CRADD: variants seen among roughly 807,000 people sequenced by gnomAD.
The protein encoded by CRADD is death domain-containing protein CRADD.
In CRADD, 9 loss-of-function variants were observed where a neutral mutation model predicts 15.5. That is an observed-to-expected ratio of 0.58 (90% CI 0.35 to 1.01). The LOEUF (loss-of-function observed/expected upper bound fraction) is 1.01. CRADD is among the 50% of genes least tolerant of loss of function. The pLI is 0.02. For synonymous variants in CRADD, 118 were observed against 107.6 expected, an observed-to-expected ratio of 1.10 and a Z score of -0.60; for missense variants, 227 against 250.3, an observed-to-expected ratio of 0.91 and a Z score of 0.63.
At chr12:93,773,670 C>A (rs1016590291) in intron 2 of CRADD, among the ~76,000 whole-genome samples, 14 of 151,922 alleles carry the variant, frequency 9.2e-5, no homozygotes, top group Admixed American at 5.9e-4. Context: ...GGCCTTGGAA[C>A]CCTCATTGAA....
intron 2 of CRADD, among the ~76,000 whole-genome samples, chr12:93,704,671 ACCT>A (rs1955906452): frequency 6.6e-6 from 1 of 151,066 alleles, no homozygotes; most frequent in South Asian, 2.1e-4. Context: ...TCTGCTTAAA[ACCT>A]CCTCCTAGGA....
At chr12:93,686,328 AAAG>A (rs1442826965) in intron 2 of CRADD, among the ~76,000 whole-genome samples, 1 of 151,252 alleles carries the variant, frequency 6.6e-6, no homozygotes, top group Non-Finnish European at 1.5e-5. Context: ...AAAAAAAAGA[AAAG>A]AAAATAATAA....
intron 1 of CRADD, among the ~76,000 whole-genome samples, chr12:93,678,407 C>A (rs1014181728): frequency 6.6e-6 from 1 of 152,052 alleles, no homozygotes; most frequent in African/African-American, 2.4e-5. Context: ...TCTTCTCCAG[C>A]GTGTTAAAAT....
At chr12:93,761,479 T>C (rs1029967581) in intron 2 of CRADD, among the ~76,000 whole-genome samples, 8 of 152,104 alleles carry the variant, frequency 5.3e-5, no homozygotes, top group African/African-American at 1.7e-4. Flanking sequence ...AAATCAAGGA[T>C]GACTCGTTGT....
At chr12:93,827,447 T>C (rs1290368242) in intron 2 of CRADD, among the ~76,000 whole-genome samples, 2 of 152,240 alleles carry the variant, frequency 1.3e-5, no homozygotes, top group African/African-American at 4.8e-5. Context: ...TATGCCATAG[T>C]TTGTTTATGC....
At chr12:93,853,993 A>G (rs766811480), downstream of CRADD, among the ~76,000 whole-genome samples, 16 of 152,322 alleles carry the variant, frequency 1.1e-4, no homozygotes, top group Non-Finnish European at 1.8e-4. Context: ...CATTCATCAT[A>G]TGTTACAATG....
At chr12:93,803,819 T>G (rs1405542091) in intron 2 of CRADD, among the ~76,000 whole-genome samples, 2 of 151,872 alleles carry the variant, frequency 1.3e-5, no homozygotes, top group East Asian at 3.9e-4. Flanking sequence ...ATCTTGAGAT[T>G]GGGAGATTAT....
intron 2 of CRADD, among the ~76,000 whole-genome samples, chr12:93,827,052 A>T (rs965114574): frequency 4.6e-5 from 7 of 152,268 alleles, no homozygotes; most frequent in Non-Finnish European, 1.0e-4. Context: ...AACCCAAAAA[A>T]ACCCCCAGCT....
At chr12:93,814,248 G>A (rs1957665620) in intron 2 of CRADD, among the ~76,000 whole-genome samples, 1 of 152,170 alleles carries the variant, frequency 6.6e-6, no homozygotes, top group South Asian at 2.1e-4. Flanking sequence ...GTCCGCTATG[G>A]GGCAAGGCAA....
chr12:93,796,494 A>G (rs1001232950), intron 2 of CRADD, among the ~76,000 whole-genome samples: 1 of 151,732 alleles, frequency 6.6e-6, no homozygotes, highest in African/African-American at 2.4e-5. Flanking sequence ...AATCCCAGCT[A>G]CTTGAGAGGC....
chr12:93,839,010 C>T (rs1343118612), intron 2 of CRADD, among the ~76,000 whole-genome samples: 3 of 151,960 alleles, frequency 2.0e-5, no homozygotes, highest in Admixed American at 6.6e-5. Flanking sequence ...TGAGCTCAAA[C>T]GATCCACCCG....
rs66639212 is a variant in CRADD, at chr12:93,823,298, CAA to C, written c.299-26658_299-26657del. Among the ~76,000 whole-genome samples the C allele has an allele frequency of 4.6e-3, 641 of 139,698 alleles. 3 individuals carry two copies. The highest frequency in any genetic ancestry group is 0.01 in the African/African-American group (391 of 37,902). 91.6% of individuals were successfully genotyped at this position (139,698 alleles called of 152,430 possible). On this transcript the variant is annotated intron_variant, in intron 2 of 2. Transcript: ENST00000332896. Reference sequence around the variant, plus strand: ...CAAGAGCGAAACTCTGTCTCAAAAACAAAAAAAAAAAAAAAGAAGAGGAAGAA... The same window carrying C: ...CAAGAGCGAAACTCTGTCTCAAAAACAAAAAAAAAAAAAGAAGAGGAAGAA...
At chr12:93,710,367 A>G (rs1956041515) in intron 2 of CRADD, among the ~76,000 whole-genome samples, 2 of 126,418 alleles carry the variant, frequency 1.6e-5, no homozygotes, top group South Asian at 5.1e-4. Flanking sequence ...TTTTTTTGAG[A>G]CGGAGTCTTG....
intron 2 of CRADD, among the ~76,000 whole-genome samples, chr12:93,720,693 G>T (rs1956245456): frequency 6.6e-6 from 1 of 152,074 alleles, no homozygotes. Flanking sequence ...AACCTTTCTT[G>T]CTCTGTAGTT....
intron 2 of CRADD, among the ~76,000 whole-genome samples, chr12:93,803,127 G>C (rs971537718): frequency 2.0e-5 from 3 of 152,202 alleles, no homozygotes; most frequent in African/African-American, 7.2e-5. Flanking sequence ...ACTCTCAGCT[G>C]TTTCCCACCA....
intron 2 of CRADD, among the ~76,000 whole-genome samples, chr12:93,762,969 C>T (rs1396028972): frequency 6.6e-6 from 1 of 152,160 alleles, no homozygotes; most frequent in Non-Finnish European, 1.5e-5. Context: ...TTTGCCTTCT[C>T]ATTGATTGGA....
intron 2 of CRADD, among the ~76,000 whole-genome samples, chr12:93,760,680 CCATTCATT>C (rs57810477): frequency 4.6e-5 from 7 of 151,874 alleles, no homozygotes; most frequent in South Asian, 2.1e-4. Flanking sequence ...GGTTTGTTTG[CCATTCATT>C]CATTCATTCA....
intron 2 of CRADD, among the ~76,000 whole-genome samples, chr12:93,805,174 G>A (rs1477062361): frequency 6.6e-6 from 1 of 151,904 alleles, no homozygotes; most frequent in African/African-American, 2.4e-5. Context: ...ACCAAATCAT[G>A]TTGCCTTTGT....
At chr12:93,880,922 C>G (rs1160018343) in intron 2 of CRADD, among the ~76,000 whole-genome samples, 1 of 152,220 alleles carries the variant, frequency 6.6e-6, no homozygotes, top group Admixed American at 6.5e-5. Context: ...GAAAGGCTTT[C>G]CTTCTCAGAA....
Sources: gnomAD v4.1 joint callset for allele counts (sites outside exome capture counted in the v4.1 genomes callset) on GRCh38, gnomAD v4.1.1 for gene constraint, MANE v1.5 for transcripts, NCBI Gene and HGNC (gene_info 2026-07-23, HGNC 2026-07-21) for gene names.